Variants in TRABD2B observed in about 807,000 individuals in gnomAD.
The protein encoded by TRABD2B is TraB domain containing 2B, also known as metalloprotease TIKI2.
Under a neutral mutation model 40.1 loss-of-function variants are expected in TRABD2B, and 14 were observed. The observed-to-expected ratio is 0.35, with a 90% CI of 0.23 to 0.55. The LOEUF (loss-of-function observed/expected upper bound fraction) is 0.55, where lower values mean the gene tolerates loss of function less well. Ranked by LOEUF, TRABD2B falls within the 20% of genes least tolerant of loss-of-function variation. TRABD2B has a pLI of 0.90. For synonymous variants in TRABD2B, 263 were observed against 277.0 expected (o/e 0.95, Z 0.50); for missense variants, 541 against 648.6 (o/e 0.83, Z 1.80).
chr1:47,925,035 C>A (rs1644951684), intron 2 of TRABD2B, among the ~76,000 whole-genome samples: 1 of 152,180 alleles, frequency 6.6e-6, no homozygotes, highest in African/African-American at 2.4e-5. Flanking sequence ...CAGAAAGTAA[C>A]TGAATCTTTC....
At position 47,995,062 on chromosome 1, in the gene TRABD2B, T is replaced by A. The variant is rs80128631; in HGVS notation, c.103-465A>T. Among the ~76,000 whole-genome samples the A allele has an allele frequency of 8.0e-3, 1,212 of 151,780 alleles. 18 individuals carry two copies. Among genetic ancestry groups the A allele is most frequent in the African/African-American group, 0.027 (1,102 of 41,378 alleles). On this transcript the variant is annotated intron_variant, in intron 1 of 6. Transcript: ENST00000606738. ...CACCGGTGGTGTTTCATGCGGAGGG[T>A]GGGGAAAGGAGGACCAAGAGTCCTG...
intron 2 of TRABD2B, among the ~76,000 whole-genome samples, chr1:47,871,194 T>C (rs993598933): frequency 2.0e-5 from 3 of 152,046 alleles, no homozygotes; most frequent in African/African-American, 7.2e-5. Flanking sequence ...AGTAAGGGGC[T>C]GAGAGTTATG....
intron 2 of TRABD2B, among the ~76,000 whole-genome samples, chr1:47,889,848 C>T (rs1040317358): frequency 2.6e-5 from 4 of 152,200 alleles, no homozygotes; most frequent in African/African-American, 4.8e-5. Flanking sequence ...ATGTTATAAA[C>T]GAGGAAGACA....
chr1:47,800,367 G>A (rs1644806029), intron 3 of TRABD2B, among the ~76,000 whole-genome samples: 1 of 152,188 alleles, frequency 6.6e-6, no homozygotes, highest in South Asian at 2.1e-4. Flanking sequence ...AGGCAGAGAG[G>A]GAGTGAGCCA....
chr1:47,794,975 C>A (rs1368499842), intron 3 of TRABD2B, among the ~76,000 whole-genome samples: 3 of 152,056 alleles, frequency 2.0e-5, no homozygotes, highest in African/African-American at 7.2e-5. Flanking sequence ...CACTATGTTG[C>A]CCTGGCTGAT....
chr1:47,995,616 T>C (rs1389565480), intron 1 of TRABD2B, among the ~76,000 whole-genome samples: 5 of 152,108 alleles, frequency 3.3e-5, no homozygotes, highest in Non-Finnish European at 5.9e-5. Context: ...GCAAAGCCAT[T>C]TTCCAACCAG....
chr1:47,980,099 C>T (rs553641544), intron 2 of TRABD2B, among the ~76,000 whole-genome samples: 3 of 152,288 alleles, frequency 2.0e-5, no homozygotes, highest in Admixed American at 2.0e-4. Context: ...ATCATGTGAC[C>T]CCTATGTGCT....
At chr1:47,893,886 T>A (rs1644482737) in intron 2 of TRABD2B, among the ~76,000 whole-genome samples, 1 of 152,128 alleles carries the variant, frequency 6.6e-6, no homozygotes, top group Admixed American at 6.5e-5. Context: ...GATCCTGGCT[T>A]TGGTGATGGA....
intron 4 of TRABD2B, among the ~76,000 whole-genome samples, chr1:47,793,770 G>C (rs1644707305): frequency 1.3e-5 from 2 of 152,174 alleles, no homozygotes; most frequent in South Asian, 4.1e-4. Context: ...TTACTGGCAG[G>C]GACAGCCATA....
intron 2 of TRABD2B, among the ~76,000 whole-genome samples, chr1:47,803,170 G>A (rs1327956229): frequency 2.0e-5 from 3 of 152,250 alleles, no homozygotes; most frequent in Non-Finnish European, 4.4e-5. Flanking sequence ...TGGGGACTGG[G>A]TTAGGCCCCT....
chr1:47,823,130 A>T (rs905973247), intron 2 of TRABD2B, among the ~76,000 whole-genome samples: 1 of 152,238 alleles, frequency 6.6e-6, no homozygotes, highest in African/African-American at 2.4e-5. Flanking sequence ...GTGCTCATGC[A>T]TCCCCTGGGA....
At chr1:47,988,640 T>C (rs1030837722) in intron 2 of TRABD2B, among the ~76,000 whole-genome samples, 5 of 152,172 alleles carry the variant, frequency 3.3e-5, no homozygotes, top group Non-Finnish European at 5.9e-5. Flanking sequence ...AAGACAAGCC[T>C]GCCAGCCCCT....
rs1644366956 is a variant in TRABD2B at position 47,886,062 on chromosome 1, A to G, written c.667-84443T>C. ...TAGGAAGTGAGATAGAGAAACTGCG[A>G]AGTTCACTGAGATGGATACTAATTC... On this transcript the variant is annotated intron_variant, in intron 2 of 6. Coordinates refer to ENST00000606738, the MANE Select transcript of TRABD2B (RefSeq NM_001194986.2). Among the ~76,000 whole-genome samples the G allele has an allele frequency of 5.3e-5, 8 of 152,332 alleles. No individual in the cohort carries two copies. In the South Asian group the frequency reaches 1.5e-3, roughly 28 times the overall value.
intron 2 of TRABD2B, among the ~76,000 whole-genome samples, chr1:47,874,571 C>CT (rs370059019): frequency 0.63 from 87,051 of 137,590 alleles, 27,475 homozygotes; most frequent in East Asian, 0.85. Context: ...CGCGCCCGGC[C>CT]TTTTTTTTTT....
chr1:47,879,804 C>T (rs1644276652), intron 2 of TRABD2B, among the ~76,000 whole-genome samples: 1 of 150,358 alleles, frequency 6.7e-6, no homozygotes, highest in African/African-American at 2.5e-5. Context: ...GTGGGGAGAC[C>T]CCAGAGTCCA....
At chr1:47,899,477 A>C (rs1485663401) in intron 2 of TRABD2B, among the ~76,000 whole-genome samples, 1 of 152,092 alleles carries the variant, frequency 6.6e-6, no homozygotes, top group African/African-American at 2.4e-5. Context: ...GCTGTGGCCC[A>C]CTCCATTACA....
At chr1:47,916,521 C>T (rs1311389980) in intron 2 of TRABD2B, among the ~76,000 whole-genome samples, 8 of 152,196 alleles carry the variant, frequency 5.3e-5, no homozygotes, top group African/African-American at 1.7e-4. Context: ...TCAAGGAAGG[C>T]TTCCAGGAAG....
chr1:47,861,427 A>G (rs962691035), intron 2 of TRABD2B, among the ~76,000 whole-genome samples: 1 of 152,172 alleles, frequency 6.6e-6, no homozygotes, highest in Non-Finnish European at 1.5e-5. Context: ...GGACAGAGAT[A>G]ATTAACATCA....
chr1:47,768,912 T>C (rs1644341728), intron 6 of TRABD2B, among the ~76,000 whole-genome samples: 1 of 152,262 alleles, frequency 6.6e-6, no homozygotes, highest in Non-Finnish European at 1.5e-5. Context: ...TTCAGATTTC[T>C]TGCAAGAGAC....
Sources: gnomAD v4.1 joint callset for allele counts (sites outside exome capture counted in the v4.1 genomes callset) on GRCh38, gnomAD v4.1.1 for gene constraint, MANE v1.5 for transcripts, NCBI Gene and HGNC (gene_info 2026-07-23, HGNC 2026-07-21) for gene names.